Variants in LTBP4 observed in about 807,000 individuals in gnomAD.
The protein encoded by LTBP4 is latent-transforming growth factor beta-binding protein 4.
In LTBP4, 93 loss-of-function variants were observed where a neutral mutation model predicts 180.2. The ratio of observed to expected loss-of-function variants is 0.52; its 90% CI spans 0.44 to 0.61. The LOEUF (loss-of-function observed/expected upper bound fraction) is 0.61. Ranked by LOEUF, LTBP4 falls within the 20% of genes least tolerant of loss-of-function variation. The pLI, the probability that LTBP4 is intolerant of heterozygous loss-of-function variation, is 0.00. For missense variants in LTBP4, 2,116 were observed against 2,256.5 expected (o/e 0.94, Z 1.26); for synonymous variants, 947 against 934.5 (o/e 1.01, Z -0.24).
chr19:40,621,932 A>T (rs2081588828), intron 22 of LTBP4, among the ~76,000 whole-genome samples: 1 of 152,148 alleles, frequency 6.6e-6, no homozygotes, highest in African/African-American at 2.4e-5. Context: ...TATTTTTAGT[A>T]GAGACCGGGT....
chr19:40,599,284 G>A (rs2081407520), upstream of LTBP4: 1 of 1,613,800 alleles, frequency 6.2e-7, no homozygotes, highest in Non-Finnish European at 8.5e-7. Flanking sequence ...AGTATGAGTA[G>A]GGGGCAAAAG....
intron 6 of LTBP4, 117 bp downstream of exon 6, chr19:40,606,643 C>T (rs2081464913): frequency 7.7e-7 from 1 of 1,301,956 alleles, no homozygotes; most frequent in African/African-American, 1.5e-5. Context: ...GTTCCTCTGT[C>T]AGCCTTAGAG....
chr19:40,623,815 C>G, intron 25 of LTBP4, 83 bp downstream of exon 25: 1 of 1,598,732 alleles, frequency 6.3e-7, no homozygotes. Context: ...GTGGCCACCA[C>G]CAGCGGGAAG....
intron 26 of LTBP4, among the ~76,000 whole-genome samples, chr19:40,624,934 G>A (rs118095576): frequency 1.8e-4 from 28 of 151,430 alleles, no homozygotes; most frequent in Non-Finnish European, 3.4e-4. Flanking sequence ...TTGTTTTCCT[G>A]TTTTGAGTCT....
Position 40,609,500 on chromosome 19 carries a change from G to A in LTBP4, c.1427-30G>A, listed in dbSNP as rs1250298525. ...TGAAAGGAACGGAGGATTCAGAGAT[G>A]GGGGAACCCTGGCTGACTGGACCCC... On this transcript the variant is annotated intron_variant, in intron 9 of 29. Coordinates refer to ENST00000396819, the MANE Select transcript of LTBP4 (RefSeq NM_001042545.2). The surrounding 1 kb of genome is among the most constrained non-coding windows in gnomAD (Gnocchi z 4.9). 3 of 1,605,952 alleles carry A rather than the reference G, an allele frequency of 1.9e-6. No homozygotes were observed. Among genetic ancestry groups the A allele is most frequent in the Non-Finnish European group, 8.5e-7 (1 of 1,174,208 alleles).
chr19:40,625,775 G>C, intron 26 of LTBP4, 82 bp from the exon 27 acceptor site: 23 of 1,282,726 alleles, frequency 1.8e-5, no homozygotes, highest in Non-Finnish European at 2.4e-5. Context: ...GGGTGCCTGG[G>C]CTGCTCAGCA....
intron 18 of LTBP4, 39 bp downstream of exon 18, chr19:40,614,077 G>A: frequency 6.2e-7 from 1 of 1,603,626 alleles, no homozygotes. Context: ...TCCTCCCTTC[G>A]ACTCCCCGAC....
chr19:40,599,655 C>G, upstream of LTBP4: 1 of 1,144,194 alleles, frequency 8.7e-7, no homozygotes, highest in East Asian at 2.4e-5. Context: ...CTCTCTCTCC[C>G]CCCTCCCTCC....
chr19:40,598,263 G>A (rs565156944), upstream of LTBP4, among the ~76,000 whole-genome samples: 1 of 152,228 alleles, frequency 6.6e-6, no homozygotes, highest in Admixed American at 6.5e-5. Context: ...AAGGCGGGAG[G>A]GATGACGGCA....
chr19:40,605,542 G>A lies in LTBP4; in HGVS notation c.580G>A (p.Ala194Thr). 6.2e-7 allele frequency: 1 copy of A among 1,606,504 alleles called. No individual in the cohort carries two copies. The highest frequency in any genetic ancestry group is 8.5e-7 in the Non-Finnish European group (1 of 1,177,586). ...GGCGCGGGCGGAAGCGGCGGCGCGGGCGGAGGCGGCAGCGCCCTACACGGT... is the reference window on the plus strand; with the variant it reads ...GGCGCGGGCGGAAGCGGCGGCGCGGACGGAGGCGGCAGCGCCCTACACGGT... ...AVARAEAAAR[A>T]EAAAPYTVLA... Residue 194 changes from alanine to threonine, a missense_variant, in exon 3 of 30, where the codon GCG becomes ACG. By Grantham distance (58) the Ala-to-Thr change is moderately conservative. Transcript: ENST00000396819. The surrounding 1 kb of genome is among the most constrained non-coding windows in gnomAD (Gnocchi z 5.5).
rs2081455420 is a variant in LTBP4 at position 40,605,665 on chromosome 19, C to T, written c.690+13C>T. ...GCGCGGAGGCGAAGTGAGAGGAGGC[C>T]CGTGGGGAGGGGCCCGGAGCTTGCC... is the stretch of plus-strand genomic sequence containing the variant. On this transcript the variant is annotated intron_variant, in intron 3 of 29. Coordinates refer to ENST00000396819, the MANE Select transcript of LTBP4 (RefSeq NM_001042545.2). This position sits in a 1 kb window ranked among gnomAD's most constrained non-coding sequence, Gnocchi z 5.5. 6.4e-7 allele frequency: 1 copy of T among 1,556,364 alleles called. No individual in the cohort carries two copies. Among genetic ancestry groups the T allele is most frequent in the Non-Finnish European group, 8.7e-7 (1 of 1,151,218 alleles).
At chr19:40,597,471 C>A, upstream of LTBP4, 1 of 1,342,808 alleles carries the variant, frequency 7.4e-7, no homozygotes, top group Non-Finnish European at 9.7e-7. Flanking sequence ...AAACTCGAAC[C>A]CACTGCTTCG....
Position 40,613,672 on chromosome 19 carries a change from T to G in LTBP4, c.2557+143T>G. On this transcript the variant is annotated intron_variant, in intron 17 of 29. Coordinates refer to ENST00000396819, the MANE Select transcript of LTBP4 (RefSeq NM_001042545.2). The surrounding 1 kb of genome is among the most constrained non-coding windows in gnomAD (Gnocchi z 5.0). ...GATCAGGGGGCAGCTGGTGGGAGTC[T>G]CGAGGCAGTGAGGGGGGGCGGGGCG... 1.5e-6 allele frequency: 2 copies of G among 1,312,166 alleles called. No homozygotes were observed. Among genetic ancestry groups the G allele is most frequent in the African/African-American group, 1.5e-5 (1 of 68,098 alleles). 81.3% of individuals were successfully genotyped at this position (1,312,166 alleles called of 1,614,324 possible).
At chr19:40,627,669 G>C (rs1279180224) in intron 28 of LTBP4, 36 bp from the exon 29 acceptor site, 1 of 1,560,854 alleles carries the variant, frequency 6.4e-7, no homozygotes. Context: ...GTGAAGGCAG[G>C]GACCTCAAGT....
upstream of LTBP4, chr19:40,599,651 C>T: frequency 8.4e-7 from 1 of 1,187,018 alleles, no homozygotes; most frequent in South Asian, 1.3e-5. Flanking sequence ...CTCCCTCTCT[C>T]TCCCCCCTCC....
intron 11 of LTBP4, chr19:40,610,180 C>T: frequency 2.0e-6 from 1 of 504,264 alleles, no homozygotes; most frequent in South Asian, 3.3e-5. Flanking sequence ...CTCCCTCCCC[C>T]AGGCCCCGCC....
In LTBP4 at chr19:40,625,301, TATATATATATATA is replaced by T. The variant is rs1568414575; in HGVS notation, c.3833-555_3833-543del. Among the ~76,000 whole-genome samples the T allele has an allele frequency of 5.6e-3, 114 of 20,374 alleles. 24 individuals carry two copies. The highest frequency in any genetic ancestry group is 0.015 in the East Asian group (12 of 798). The allele number at this position is 20,374 out of a possible 152,430, so 13.4% of individuals were successfully genotyped here. A position where few individuals can be genotyped will look rare whatever the true frequency, so the allele number is the denominator to read the frequency against. On this transcript the variant is annotated intron_variant, in intron 26 of 29. Transcript: ENST00000396819. ...ATATATATATATATATATATATATA[TATATATATATATA>T]TATTTTTTTTTTTAAAGATGGGTTT...
Position 40,619,376 on chromosome 19 carries a change from G to A in LTBP4, c.3100G>A (p.Val1034Ile), listed in dbSNP as rs2081570587. Residue 1034 changes from valine (V) to isoleucine (I), a missense_variant, in exon 22 of 30, where the codon GTA (valine) becomes ATA (isoleucine). Physicochemically the swap from Val to Ile is conservative, Grantham distance 29 (BLOSUM62 3). Transcript: ENST00000396819. ...DVNECETLQG[V>I]CGAALCENVE... ...GAACGAGTGTGAAACACTACAGGGT[G>A]TATGTGGAGCTGCCCTGTGTGAAAA... is the stretch of plus-strand genomic sequence containing the variant. The A allele has an allele frequency of 6.2e-7, 1 of 1,613,854 alleles. No individual in the cohort carries two copies. The highest frequency in any genetic ancestry group is 1.3e-5 in the African/African-American group (1 of 74,916).
chr19:40,611,983 G>C lies in LTBP4; in HGVS notation c.2178G>C (p.Glu726Asp), dbSNP rs1388380136. 6.2e-7 allele frequency: 1 copy of C among 1,611,746 alleles called. No individual in the cohort carries two copies. The highest frequency in any genetic ancestry group is 8.5e-7 in the Non-Finnish European group (1 of 1,178,788). ...CCAACACTGCTGGCTCCGAGTGCGA[G>C]GGTGAGGCCGGGGAGGGAGGGAGGA... ...FQPNTAGSEC[E>D]DVDECENHLA... The change falls in exon 14 of 30, where the codon GAG becomes GAC. Residue 726 changes from glutamate to aspartate, a missense_variant and splice_region_variant. Coordinates refer to ENST00000396819, the MANE Select transcript of LTBP4 (RefSeq NM_001042545.2). This position sits in a 1 kb window ranked among gnomAD's most constrained non-coding sequence, Gnocchi z 4.4.
Sources: gnomAD v4.1 joint callset for allele counts (sites outside exome capture counted in the v4.1 genomes callset) on GRCh38, gnomAD v4.1.1 for gene constraint, Gnocchi (gnomAD v3.1) non-coding constraint, MANE v1.5 for transcripts, NCBI Gene and HGNC (gene_info 2026-07-23, HGNC 2026-07-21) for gene names.